EFHC2: variants seen among roughly 807,000 people sequenced by gnomAD.
EFHC2 encodes the protein EF-hand domain containing 2, also known as EF-hand domain-containing family member C2.
Under a neutral mutation model 52.7 loss-of-function variants are expected in EFHC2, and 18 were observed. That is an observed-to-expected ratio of 0.34 (90% CI 0.24 to 0.51). The LOEUF (loss-of-function observed/expected upper bound fraction) is 0.51. Among genes scored for constraint, EFHC2 ranks in the 20% least tolerant of loss-of-function variants. The pLI, the probability that EFHC2 is intolerant of heterozygous loss-of-function variation, is 0.97. For synonymous variants in EFHC2, 203 were observed against 204.1 expected (o/e 0.99, Z 0.04); for missense variants, 513 against 562.5 (o/e 0.91, Z 0.89).
Position 44,178,129 on chromosome X carries a change from TCACACA to T in EFHC2, c.1949+232_1949+237del, listed in dbSNP as rs201977577. On this transcript the variant is annotated intron_variant, in intron 12 of 14. Transcript: ENST00000420999. The stretch of plus-strand genomic sequence containing the variant: ...CTGGGCGACAGGGCCAGATGCCATA[TCACACA>T]CACACACACACACACACACACACAC... 4.8e-3 allele frequency among the ~76,000 whole-genome samples: 400 copies of T among 83,936 alleles called. 16 individuals carry two copies. The East Asian group carries it at 0.11, about 22-fold the overall frequency. 72.9% of individuals were successfully genotyped at this position (83,936 alleles called of 115,157 possible).
chrX:44,232,582 C>T lies in EFHC2; in HGVS notation c.1519G>A (p.Glu507Lys). Residue 507 changes from glutamate (E) to lysine (K), a missense_variant, in exon 10 of 15, where the codon GAG becomes AAG. Coordinates refer to ENST00000420999, the MANE Select transcript of EFHC2 (RefSeq NM_025184.4). ...SELSEYIKAE[E>K]LYIGVTVNVN... ...TTCACCGTGACTCCAATGTACAGCT[C>T]CTCGGCCTTGATATATTCAGATAGT... The T allele has an allele frequency of 1.7e-6, 2 of 1,194,896 alleles. No individual in the cohort carries two copies. Among genetic ancestry groups the T allele is most frequent in the Non-Finnish European group, 1.1e-6 (1 of 886,498 alleles).
intron 11 of EFHC2, among the ~76,000 whole-genome samples, chrX:44,185,886 CA>C (rs1265810935): frequency 2.7e-5 from 3 of 111,555 alleles, no homozygotes; most frequent in Non-Finnish European, 5.6e-5. Flanking sequence ...TAATAACAGC[CA>C]AATTCATCTG....
intron 11 of EFHC2, among the ~76,000 whole-genome samples, chrX:44,205,128 A>G (rs761278703): frequency 3.9e-4 from 44 of 111,840 alleles, no homozygotes; most frequent in African/African-American, 1.3e-3. Context: ...AACGAAGGTG[A>G]GTCTTTACCA....
At chrX:44,275,109 A>G (rs1266595363) in intron 2 of EFHC2, among the ~76,000 whole-genome samples, 2 of 111,702 alleles carry the variant, frequency 1.8e-5, no homozygotes, top group African/African-American at 6.5e-5. Context: ...GAGAATGACT[A>G]CACTGGCATA....
At chrX:44,255,078 G>C (rs1166812835) in intron 4 of EFHC2, among the ~76,000 whole-genome samples, 1 of 112,202 alleles carries the variant, frequency 8.9e-6, no homozygotes, top group East Asian at 2.8e-4. Context: ...AATGCTGAAA[G>C]ATTTTGTCAT....
At chrX:44,285,248 G>A (rs1277420200) in intron 2 of EFHC2, 3 of 111,686 alleles carry the variant, frequency 2.7e-5, no homozygotes, top group South Asian at 3.8e-4. Context: ...AGTGAGCTCC[G>A]AAAACACATC....
chrX:44,182,721 C>A (rs994305673), intron 11 of EFHC2, among the ~76,000 whole-genome samples: 5 of 112,108 alleles, frequency 4.5e-5, no homozygotes, highest in African/African-American at 6.5e-5. Context: ...TTGTATTGAT[C>A]TTGTGTCCTG....
chrX:44,280,259 C>CAA, intron 2 of EFHC2, among the ~76,000 whole-genome samples: 1 of 103,697 alleles, frequency 9.6e-6, no homozygotes, highest in South Asian at 4.2e-4. Flanking sequence ...GCCACCTACA[C>CAA]AAAAAAAAAA....
intron 11 of EFHC2, among the ~76,000 whole-genome samples, chrX:44,224,048 T>TA (rs1365472552): frequency 8.9e-6 from 1 of 111,822 alleles, no homozygotes; most frequent in East Asian, 2.8e-4. Flanking sequence ...AGCAATAGGG[T>TA]AGATTATATT....
intron 11 of EFHC2, among the ~76,000 whole-genome samples, chrX:44,208,511 G>A (rs765884016): frequency 5.4e-5 from 6 of 111,543 alleles, no homozygotes; most frequent in South Asian, 7.7e-4. Context: ...GGAGGAAGGC[G>A]AGGGTTGAAA....
chrX:44,149,102 T>C (rs1051054832), intron 14 of EFHC2, among the ~76,000 whole-genome samples: 1 of 112,220 alleles, frequency 8.9e-6, no homozygotes, highest in African/African-American at 3.2e-5. Flanking sequence ...GTCATATGAC[T>C]CTGTAGAACC....
Position 44,242,226 on chromosome X carries a change from G to A in EFHC2, c.1175C>T (p.Pro392Leu). 8.3e-7 allele frequency: 1 copy of A among 1,208,107 alleles called. No individual in the cohort carries two copies. Residue 392 changes from proline (P) to leucine (L), a missense_variant, in exon 8 of 15, where the codon CCA (proline) becomes CTA (leucine). Transcript: ENST00000420999. The stretch of plus-strand genomic sequence containing the variant: ...TTCAGAACCAAAACCGTTGTAAGGT[G>A]GAAATTTCCTTTCTATTTTTGGAGG... ...SPPPKIERKFPPYNGFGSEED... is the reference protein window; with the variant it reads ...SPPPKIERKFLPYNGFGSEED...
intron 2 of EFHC2, among the ~76,000 whole-genome samples, chrX:44,299,046 A>G (rs1602205161): frequency 2.7e-5 from 3 of 110,483 alleles, no homozygotes; most frequent in South Asian, 7.8e-4. Context: ...TATATATGGG[A>G]TAAGATTCCA....
chrX:44,245,232 A>G (rs1402496920), intron 7 of EFHC2, among the ~76,000 whole-genome samples: 1 of 112,004 alleles, frequency 8.9e-6, no homozygotes, highest in African/African-American at 3.2e-5. Flanking sequence ...CCACAAAATT[A>G]AAGGTGCTTT....
intron 11 of EFHC2, among the ~76,000 whole-genome samples, chrX:44,188,703 A>AGGT (rs1463000917): frequency 8.9e-6 from 1 of 111,797 alleles, no homozygotes; most frequent in East Asian, 2.8e-4. Context: ...TTCACAGCAG[A>AGGT]GGTGGTAGCA....
At chrX:44,172,052 G>C (rs1173572230) in intron 13 of EFHC2, among the ~76,000 whole-genome samples, 1 of 111,951 alleles carries the variant, frequency 8.9e-6, no homozygotes, top group East Asian at 2.8e-4. Flanking sequence ...AGGGGGCAAG[G>C]CTGGGTAGAC....
intron 13 of EFHC2, among the ~76,000 whole-genome samples, chrX:44,164,559 G>A (rs908741331): frequency 2.7e-5 from 3 of 111,660 alleles, no homozygotes; most frequent in East Asian, 2.8e-4. Flanking sequence ...ATTTGCTATC[G>A]TATAAATATG....
intron 2 of EFHC2, among the ~76,000 whole-genome samples, chrX:44,291,419 G>A (rs1273488025): frequency 4.5e-5 from 5 of 111,828 alleles, no homozygotes; most frequent in Non-Finnish European, 9.4e-5. Context: ...GAATTTTTTT[G>A]TATTACAAAA....
intron 1 of EFHC2, among the ~76,000 whole-genome samples, chrX:44,333,185 C>T (rs540765858): frequency 9.0e-6 from 1 of 111,585 alleles, no homozygotes; most frequent in East Asian, 2.8e-4. Context: ...CACGATCACA[C>T]ATAAAGAACA....
Sources: allele counts gnomAD v4.1 joint callset (sites outside exome capture counted in the v4.1 genomes callset), GRCh38; gene constraint gnomAD v4.1.1; transcripts MANE v1.5; gene names NCBI Gene and HGNC (gene_info 2026-07-23, HGNC 2026-07-21).